ANKRD11: variants seen among roughly 807,000 people sequenced by gnomAD.
ANKRD11 encodes ankyrin repeat domain 11.
Under a neutral mutation model 195.7 loss-of-function variants are expected in ANKRD11, and 17 were observed. The ratio of observed to expected loss-of-function variants is 0.09; its 90% CI spans 0.06 to 0.13. ANKRD11 has a LOEUF of 0.13. Among genes scored for constraint, ANKRD11 ranks in the 10% least tolerant of loss-of-function variants. The pLI, the probability that ANKRD11 is intolerant of heterozygous loss-of-function variation, is 1.00. For missense variants in ANKRD11, 3,735 were observed against 3,566.1 expected, an observed-to-expected ratio of 1.05 and a Z score of -1.21; for synonymous variants, 1,953 against 1,528.1, an observed-to-expected ratio of 1.28 and a Z score of -6.49.
intron 7 of ANKRD11, 137 bp downstream of exon 7, chr16:89,288,391 C>G: frequency 2.2e-6 from 3 of 1,379,404 alleles, no homozygotes; most frequent in Non-Finnish European, 3.0e-6. Context: ...CACAGCTCGG[C>G]CTTGAGGGTG....
At chr16:89,426,635 G>A (rs2965939) in intron 1 of ANKRD11, among the ~76,000 whole-genome samples, 80,867 of 151,658 alleles carry the variant, frequency 0.53, 21,781 homozygotes, top group Middle Eastern at 0.73. Context: ...GGCGCATATA[G>A]ATGACCAATT....
Position 89,352,028 on chromosome 16 carries a change from C to T in ANKRD11, c.-59-34950G>A, listed in dbSNP as rs115701886. Among the ~76,000 whole-genome samples the T allele has an allele frequency of 7.6e-3, 1,149 of 152,146 alleles. 14 individuals are homozygous for T. Among genetic ancestry groups the T allele is most frequent in the African/African-American group, 0.026 (1,071 of 41,486 alleles). On this transcript the variant is annotated intron_variant, in intron 2 of 12. Transcript: ENST00000301030. Reference sequence around the variant, plus strand: ...CAGGTTCAAGCAATTCTCACGCCTCCGCTGAAATGACAGGCACAAGCCACC... The same window carrying T: ...CAGGTTCAAGCAATTCTCACGCCTCTGCTGAAATGACAGGCACAAGCCACC...
intron 1 of ANKRD11, among the ~76,000 whole-genome samples, chr16:89,443,882 G>C (rs2043650858): frequency 6.6e-6 from 1 of 152,202 alleles, no homozygotes; most frequent in African/African-American, 2.4e-5. Flanking sequence ...TGTCTTGGAG[G>C]AAAGTGCCAA....
At chr16:89,473,212 G>T (rs1473506609) in intron 1 of ANKRD11, among the ~76,000 whole-genome samples, 1 of 152,086 alleles carries the variant, frequency 6.6e-6, no homozygotes, top group Non-Finnish European at 1.5e-5. Flanking sequence ...GAACATGGAG[G>T]CCTGAAGGAT....
At chr16:89,316,374 C>T (rs1404545120) in intron 3 of ANKRD11, among the ~76,000 whole-genome samples, 2 of 152,096 alleles carry the variant, frequency 1.3e-5, no homozygotes, top group African/African-American at 2.4e-5. Context: ...TTCCTAACAC[C>T]CCAGAACCCA....
At chr16:89,487,580 C>T (rs192047749) in intron 1 of ANKRD11, among the ~76,000 whole-genome samples, 2 of 152,028 alleles carry the variant, frequency 1.3e-5, no homozygotes, top group South Asian at 4.2e-4. Context: ...TCAAGACCAG[C>T]GTGGCCAACA....
chr16:89,388,101 C>G (rs1386300962), intron 2 of ANKRD11, among the ~76,000 whole-genome samples: 1 of 151,934 alleles, frequency 6.6e-6, no homozygotes, highest in African/African-American at 2.4e-5. Flanking sequence ...AGTTCAGAGT[C>G]CCTGTACAGC....
At chr16:89,418,584 A>T (rs1032214534) in intron 1 of ANKRD11, 1 of 206,390 alleles carries the variant, frequency 4.8e-6, no homozygotes, top group African/African-American at 2.3e-5. Flanking sequence ...GCAACAACTT[A>T]AAGGTAAATC....
At chr16:89,470,277 G>C (rs1306897453) in intron 1 of ANKRD11, among the ~76,000 whole-genome samples, 1 of 152,060 alleles carries the variant, frequency 6.6e-6, no homozygotes, top group East Asian at 1.9e-4. Flanking sequence ...CTTACTCATG[G>C]TCATAGCTTA....
intron 2 of ANKRD11, among the ~76,000 whole-genome samples, chr16:89,364,683 T>C (rs2039872976): frequency 6.6e-6 from 1 of 152,230 alleles, no homozygotes; most frequent in Non-Finnish European, 1.5e-5. Flanking sequence ...TCATAACGTT[T>C]ACAAATTTGT....
At chr16:89,448,308 C>G (rs1395560536) in intron 1 of ANKRD11, among the ~76,000 whole-genome samples, 1 of 152,160 alleles carries the variant, frequency 6.6e-6, no homozygotes, top group Non-Finnish European at 1.5e-5. Flanking sequence ...AAAGTCTCAA[C>G]TGTAAAATGA....
At chr16:89,449,905 A>G (rs924163226) in intron 1 of ANKRD11, among the ~76,000 whole-genome samples, 1 of 152,202 alleles carries the variant, frequency 6.6e-6, no homozygotes, top group Non-Finnish European at 1.5e-5. Context: ...AGCCACACTG[A>G]AGAATGCAGT....
At chr16:89,301,317 A>G (rs1183587244) in intron 4 of ANKRD11, 1 of 383,622 alleles carries the variant, frequency 2.6e-6, no homozygotes, top group Non-Finnish European at 4.6e-6. Flanking sequence ...AAAAGTAGAC[A>G]AAGTAGTATC....
intron 2 of ANKRD11, among the ~76,000 whole-genome samples, chr16:89,390,623 A>G (rs570987059): frequency 2.6e-5 from 4 of 152,320 alleles, no homozygotes; most frequent in African/African-American, 9.6e-5. Flanking sequence ...AAAATCTTAA[A>G]GGCAGTCAAA....
intron 1 of ANKRD11, chr16:89,420,343 G>A (rs2042461903): frequency 6.6e-6 from 1 of 152,166 alleles, no homozygotes; most frequent in African/African-American, 2.4e-5. Flanking sequence ...CGCCAACAGG[G>A]TTGAGCAGCG....
chr16:89,333,869 AT>A (rs1168844375), intron 2 of ANKRD11, among the ~76,000 whole-genome samples: 1 of 152,172 alleles, frequency 6.6e-6, no homozygotes, highest in Non-Finnish European at 1.5e-5. Flanking sequence ...TTCTGTGAGT[AT>A]GTTCCCAGTA....
intron 2 of ANKRD11, among the ~76,000 whole-genome samples, chr16:89,407,875 A>C (rs954552609): frequency 1.4e-5 from 2 of 147,538 alleles, no homozygotes; most frequent in African/African-American, 5.0e-5. Flanking sequence ...AAAAAAAAAG[A>C]AGAAGAAGAA....
intron 4 of ANKRD11, among the ~76,000 whole-genome samples, chr16:89,296,236 T>G (rs2035428620): frequency 6.6e-6 from 1 of 152,136 alleles, no homozygotes; most frequent in Non-Finnish European, 1.5e-5. Context: ...CTCCTGCTTA[T>G]AATTCATTAT....
At chr16:89,437,973 T>C (rs908531814) in intron 1 of ANKRD11, among the ~76,000 whole-genome samples, 1 of 152,164 alleles carries the variant, frequency 6.6e-6, no homozygotes, top group African/African-American at 2.4e-5. Flanking sequence ...AATTCCTGGA[T>C]ACAAAATATA....
Sources: gnomAD v4.1 joint callset for allele counts (sites outside exome capture counted in the v4.1 genomes callset) on GRCh38, gnomAD v4.1.1 for gene constraint, MANE v1.5 for transcripts, NCBI Gene and HGNC (gene_info 2026-07-23, HGNC 2026-07-21) for gene names.